The following MIER1 variants were observed in gnomAD, a reference collection of about 807,000 sequenced individuals.
The protein encoded by MIER1 is mesoderm induction early response protein 1.
In MIER1, 40 loss-of-function variants were observed where a neutral mutation model predicts 75.7. That is an observed-to-expected ratio of 0.53 (90% CI 0.41 to 0.69). MIER1 has a LOEUF of 0.69. MIER1 is among the 30% of genes least tolerant of loss of function. The pLI, the probability that MIER1 is intolerant of heterozygous loss-of-function variation, is 0.00. For missense variants in MIER1, 574 were observed against 680.2 expected, an observed-to-expected ratio of 0.84 and a Z score of 1.74; for synonymous variants, 213 against 223.4, an observed-to-expected ratio of 0.95 and a Z score of 0.42.
intron 12 of MIER1, among the ~76,000 whole-genome samples, chr1:66,977,245 G>A (rs1444719324): frequency 6.6e-6 from 1 of 152,068 alleles, no homozygotes; most frequent in Non-Finnish European, 1.5e-5. Flanking sequence ...GAGTAGCTGG[G>A]ATTACAGGTG....
chr1:66,977,286 T>A (rs1664912039), intron 12 of MIER1, among the ~76,000 whole-genome samples: 2 of 152,090 alleles, frequency 1.3e-5, no homozygotes, highest in East Asian at 3.8e-4. Context: ...ATTTTTGAAT[T>A]TTTATTAGAG....
rs770503779 is a variant in MIER1 at position 66,957,587 on chromosome 1, G to GTT, written c.340-453_340-452dup. ...TGTATATTACTACTGGTTTGTTTGTGTTTTTTTTTTTTTTTTTTTTCATGT... is the reference window on the plus strand; with the variant it reads ...TGTATATTACTACTGGTTTGTTTGTGTTTTTTTTTTTTTTTTTTTTTTCATGT... On this transcript the variant is annotated intron_variant, in intron 4 of 13. Transcript: ENST00000401041. Among the ~76,000 whole-genome samples the GTT allele has an allele frequency of 2.3e-3, 232 of 99,240 alleles. 4 individuals are homozygous for GTT. In the East Asian group the frequency reaches 0.042, roughly 18 times the overall value. The allele number at this position is 99,240 out of a possible 152,430, so 65.1% of individuals were successfully genotyped here. A position where few individuals can be genotyped will look rare whatever the true frequency, so the allele number is the denominator to read the frequency against.
intron 2 of MIER1, among the ~76,000 whole-genome samples, chr1:66,936,424 C>T (rs561298243): frequency 1.8e-3 from 276 of 151,748 alleles, no homozygotes; most frequent in Non-Finnish European, 3.3e-3. Flanking sequence ...GTAGAGACAG[C>T]GTTTTGCCAT....
chr1:66,946,120 T>A, intron 3 of MIER1, 30 bp from the exon 4 acceptor site: 1 of 1,575,616 alleles, frequency 6.3e-7, no homozygotes, highest in Non-Finnish European at 8.6e-7. Context: ...TAATTTGGTT[T>A]ACCAAACTTT....
chr1:66,955,336 G>GTTTTTTTTTT lies in MIER1; in HGVS notation c.340-2704_340-2695dup, dbSNP rs34006160. 6.7e-5 allele frequency among the ~76,000 whole-genome samples: 4 copies of GTTTTTTTTTT among 59,968 alleles called. 1 individual carries two copies. The highest frequency in any genetic ancestry group is 1.4e-4 in the African/African-American group (2 of 14,244). The allele number at this position is 59,968 out of a possible 152,430, so 39.3% of individuals were successfully genotyped here. On this transcript the variant is annotated intron_variant, in intron 4 of 13. Transcript: ENST00000401041. ...TACCAGCAGCATTAGCATCACCTGAGTTTTTTTTTTTTTTTTTTTTTTTTT... is the reference window on the plus strand; with the variant it reads ...TACCAGCAGCATTAGCATCACCTGAGTTTTTTTTTTTTTTTTTTTTTTTTTTTTTTTTTTT...
chr1:66,939,317 A>G (rs994088642), intron 2 of MIER1, among the ~76,000 whole-genome samples: 6 of 152,130 alleles, frequency 3.9e-5, no homozygotes, highest in Non-Finnish European at 7.4e-5. Flanking sequence ...ATTGCTACCA[A>G]TTTTATCTTT....
In MIER1 at chr1:66,984,992, G is replaced by A; in HGVS notation, c.*92G>A. 6.3e-6 allele frequency: 9 copies of A among 1,437,254 alleles called. No homozygotes were observed. The highest frequency in any genetic ancestry group is 8.2e-6 in the Non-Finnish European group (9 of 1,095,874). 89.0% of individuals were successfully genotyped at this position (1,437,254 alleles called of 1,614,324 possible). A position where few individuals can be genotyped will look rare whatever the true frequency, so the allele number is the denominator to read the frequency against. On this transcript the variant is annotated 3_prime_UTR_variant, in exon 14 of 14. Transcript: ENST00000401041. ...GTTACCTTAAAAAGTTGATTTCCTT[G>A]AAGCAGTTTGAAAATTTGAATTGAG...
chr1:66,941,042 A>G (rs1057498234), intron 3 of MIER1, among the ~76,000 whole-genome samples: 1 of 152,222 alleles, frequency 6.6e-6, no homozygotes, highest in Non-Finnish European at 1.5e-5. Flanking sequence ...TATTGAAGCA[A>G]TCACCTTTCT....
rs577807860 is a variant in MIER1, at chr1:66,966,522, G to A, written c.772+3362G>A. ...CGTGTGCATGTGTCTTTATAGCAGC[G>A]TGATTTATAATCCTTTGGGTATATG... On this transcript the variant is annotated intron_variant, in intron 8 of 13. Coordinates refer to ENST00000401041, the MANE Select transcript of MIER1 (RefSeq NM_001077700.3). Among the ~76,000 whole-genome samples, 27 of 152,246 alleles carry A rather than the reference G, an allele frequency of 1.8e-4. No individual in the cohort carries two copies. In the South Asian group the frequency reaches 5.2e-3, roughly 29 times the overall value.
At chr1:66,929,830 G>A (rs1382933466) in intron 2 of MIER1, among the ~76,000 whole-genome samples, 1 of 152,200 alleles carries the variant, frequency 6.6e-6, no homozygotes, top group Admixed American at 6.5e-5. Flanking sequence ...TATTTGTCAA[G>A]GCATAACCGC....
Position 66,940,320 on chromosome 1 carries a change from T to C in MIER1, c.193+268T>C, listed in dbSNP as rs1570162002. The C allele has an allele frequency of 9.6e-6, 3 of 312,940 alleles. No homozygotes were observed. In the East Asian group the frequency reaches 1.6e-4, roughly 16 times the overall value. The allele number at this position is 312,940 out of a possible 1,614,324, so 19.4% of individuals were successfully genotyped here. On this transcript the variant is annotated intron_variant, in intron 3 of 13. Transcript: ENST00000401041. ...GAGTTGCCATATGTATTTCTCACAG[T>C]TTTGTATTATTGTTTGACTTGTAGT... is the stretch of plus-strand genomic sequence containing the variant.
chr1:66,931,030 TCCC>T (rs1326001096), intron 2 of MIER1, among the ~76,000 whole-genome samples: 2 of 144,056 alleles, frequency 1.4e-5, no homozygotes, highest in African/African-American at 5.1e-5. Context: ...CTTTTCCACC[TCCC>T]CCCACCACCT....
At chr1:66,930,714 C>G (rs549037889) in intron 2 of MIER1, among the ~76,000 whole-genome samples, 3 of 151,750 alleles carry the variant, frequency 2.0e-5, no homozygotes, top group African/African-American at 4.8e-5. Context: ...CTTCGCCGGC[C>G]GGTGCTAGGG....
At position 66,986,101 on chromosome 1, in the gene MIER1, A is replaced by G. The variant is rs1666747608; in HGVS notation, c.*1201A>G. On this transcript the variant is annotated 3_prime_UTR_variant, in exon 14 of 14. Transcript: ENST00000401041. ...TAGATATTGGCACACACAAGGAACAACTGTTGGCAGGCAGTATCGATTTTA... is the reference window on the plus strand; with the variant it reads ...TAGATATTGGCACACACAAGGAACAGCTGTTGGCAGGCAGTATCGATTTTA... 2 of 1,089,142 alleles carry G rather than the reference A, an allele frequency of 1.8e-6. No homozygotes were observed. Among genetic ancestry groups the G allele is most frequent in the Non-Finnish European group, 2.2e-6 (2 of 896,126 alleles). The allele number at this position is 1,089,142 out of a possible 1,614,324, so 67.5% of individuals were successfully genotyped here.
intron 1 of MIER1, 108 bp downstream of exon 1, chr1:66,925,203 G>C: frequency 7.0e-7 from 1 of 1,432,194 alleles, no homozygotes; most frequent in Non-Finnish European, 9.1e-7. Context: ...CCCCACGGCA[G>C]TGTACCGCCC....
Position 66,976,731 on chromosome 1 carries a change from A to G in MIER1, c.1229+9A>G. ...CTTCATCCTGGTGTAACGTGAGTTA[A>G]TTTTTTCCTTAAGAGCTATATATAC... On this transcript the variant is annotated intron_variant, in intron 12 of 13. Transcript: ENST00000401041. 6.4e-7 allele frequency: 1 copy of G among 1,569,132 alleles called. No individual in the cohort carries two copies. The highest frequency in any genetic ancestry group is 1.2e-5 in the South Asian group (1 of 83,672).
Position 66,958,217 on chromosome 1 carries a change from T to G in MIER1, c.498T>G (p.Asn166Lys), listed in dbSNP as rs1176992666. The G allele has an allele frequency of 6.3e-7, 1 of 1,597,654 alleles. No individual in the cohort carries two copies. Among genetic ancestry groups the G allele is most frequent in the Non-Finnish European group, 8.6e-7 (1 of 1,165,980 alleles). Reference sequence around the variant, plus strand: ...ACAACAGTGGCTGTAGTGGGGAAAATAAAGTAAGTCTATATACATATATTT... The same window carrying G: ...ACAACAGTGGCTGTAGTGGGGAAAAGAAAGTAAGTCTATATACATATATTT... ...NDDNSGCSGE[N>K]KEENIKDSSG... Residue 166 changes from asparagine (N) to lysine (K), a missense_variant, in exon 5 of 14, where the codon AAT (asparagine) becomes AAG (lysine). Asn to Lys is a moderately conservative substitution (Grantham distance 94). Transcript: ENST00000401041.
rs1398753409 is a variant in MIER1 at position 66,984,974 on chromosome 1, TA to T, written c.*79del. ...AATTTTCAGGGTTGATGGGTTACCTTAAAAAGTTGATTTCCTTGAAGCAGTT... is the reference window on the plus strand; with the variant it reads ...AATTTTCAGGGTTGATGGGTTACCTTAAAAGTTGATTTCCTTGAAGCAGTT... On this transcript the variant is annotated 3_prime_UTR_variant, in exon 14 of 14. Coordinates refer to ENST00000401041, the MANE Select transcript of MIER1 (RefSeq NM_001077700.3). 6.8e-7 allele frequency: 1 copy of T among 1,475,402 alleles called. No individual in the cohort carries two copies. The highest frequency in any genetic ancestry group is 2.4e-5 in the East Asian group (1 of 42,452). 91.4% of individuals were successfully genotyped at this position (1,475,402 alleles called of 1,614,324 possible).
At chr1:66,934,009 G>A (rs1392625320) in intron 2 of MIER1, among the ~76,000 whole-genome samples, 1 of 152,122 alleles carries the variant, frequency 6.6e-6, no homozygotes, top group Non-Finnish European at 1.5e-5. Flanking sequence ...TCAAGTACCA[G>A]TCATTGCTTG....
Sources: gnomAD v4.1 joint callset for allele counts (sites outside exome capture counted in the v4.1 genomes callset) on GRCh38, gnomAD v4.1.1 for gene constraint, MANE v1.5 for transcripts, NCBI Gene and HGNC (gene_info 2026-07-23, HGNC 2026-07-21) for gene names.